The following ISY1 variants were observed in gnomAD, a reference collection of about 807,000 sequenced individuals.
ISY1 encodes pre-mRNA-splicing factor ISY1 homolog.
ISY1 carries 12 observed loss-of-function variants against 54.4 expected under a neutral mutation model. The ratio of observed to expected loss-of-function variants is 0.22; its 90% CI spans 0.14 to 0.36. ISY1 has a LOEUF of 0.36. Among genes scored for constraint, ISY1 ranks in the 10% least tolerant of loss-of-function variants. The probability of loss-of-function intolerance (pLI) is 1.00; values close to 1 mark genes in which losing one functional copy is unlikely to be tolerated. For missense variants in ISY1, 282 were observed against 342.2 expected, an observed-to-expected ratio of 0.82 and a Z score of 1.39; for synonymous variants, 96 against 117.9, an observed-to-expected ratio of 0.81 and a Z score of 1.20.
At chr3:129,149,394 C>T (rs1388258222) in intron 5 of ISY1, among the ~76,000 whole-genome samples, 1 of 127,512 alleles carries the variant, frequency 7.8e-6, no homozygotes, top group Non-Finnish European at 1.6e-5. Flanking sequence ...CGCCACCACA[C>T]TCCAGCCTGG....
chr3:129,144,251 T>G (rs1560018221), intron 6 of ISY1: 1 of 339,584 alleles, frequency 2.9e-6, no homozygotes, highest in Non-Finnish European at 5.9e-6. Context: ...AAAAATAAAA[T>G]AAATGAAAAG....
intron 9 of ISY1, among the ~76,000 whole-genome samples, chr3:129,133,750 C>G (rs955044132): frequency 1.3e-5 from 2 of 152,128 alleles, no homozygotes; most frequent in African/African-American, 4.8e-5. Flanking sequence ...GCCACTGACA[C>G]GTGAACAGAA....
At chr3:129,134,756 T>C (rs759544313) in intron 8 of ISY1, 76 bp downstream of exon 8, 234 of 1,503,356 alleles carry the variant, frequency 1.6e-4, no homozygotes, top group Non-Finnish European at 1.9e-4. Context: ...TAAAGCACTA[T>C]TGAAAATCCT....
chr3:129,149,114 C>T (rs550161265), intron 5 of ISY1, among the ~76,000 whole-genome samples: 1 of 151,986 alleles, frequency 6.6e-6, no homozygotes, highest in Non-Finnish European at 1.5e-5. Flanking sequence ...TAACAAGAGC[C>T]CATCTTTACC....
At chr3:129,142,120 ACTTGAAC>A (rs1205215650) in intron 6 of ISY1, among the ~76,000 whole-genome samples, 1 of 150,402 alleles carries the variant, frequency 6.6e-6, no homozygotes, top group Admixed American at 6.7e-5. Flanking sequence ...CACAAGAATC[ACTTGAAC>A]CTGGGAGGCG....
intron 1 of ISY1, among the ~76,000 whole-genome samples, chr3:129,160,735 A>C (rs1937282847): frequency 6.6e-6 from 1 of 152,188 alleles, no homozygotes; most frequent in Admixed American, 6.5e-5. Context: ...GGTTAACCTA[A>C]AGAGCTTCAT....
At chr3:129,138,337 C>T (rs1159405962) in intron 7 of ISY1, among the ~76,000 whole-genome samples, 2 of 151,206 alleles carry the variant, frequency 1.3e-5, no homozygotes, top group Non-Finnish European at 2.9e-5. Flanking sequence ...CCTGTCTCTA[C>T]TAAAAATACA....
At position 129,158,485 on chromosome 3, in the gene ISY1, T is replaced by C. The variant is rs370080465; in HGVS notation, c.78+23A>G. 44 of 1,613,092 alleles carry C rather than the reference T, an allele frequency of 2.7e-5. No homozygotes were observed. In the African/African-American group the frequency reaches 5.7e-4, roughly 21 times the overall value. On this transcript the variant is annotated intron_variant, in intron 3 of 10. Coordinates refer to ENST00000393295, the MANE Select transcript of ISY1 (RefSeq NM_020701.4). ...GCATTTATTCTTGATACTTTACAAT[T>C]CATGAGGAAGATTTACACCAACCTT...
rs532377212 is a variant in ISY1 at position 129,130,010 on chromosome 3, G to C, written c.*71C>G. The C allele has an allele frequency of 1.6e-6, 2 of 1,229,812 alleles. No homozygotes were observed. Among genetic ancestry groups the C allele is most frequent in the East Asian group, 4.9e-5 (2 of 40,600 alleles). The allele number at this position is 1,229,812 out of a possible 1,614,324, so 76.2% of individuals were successfully genotyped here. ...GCAGGAGCCCTTGCAGCACCAGCCT[G>C]TGTCTGCAGCCCTGGGTCCTGAGGT... On this transcript the variant is annotated 3_prime_UTR_variant, in exon 11 of 11. Coordinates refer to ENST00000393295, the MANE Select transcript of ISY1 (RefSeq NM_020701.4).
chr3:129,133,693 C>G (rs1428997176), intron 9 of ISY1, among the ~76,000 whole-genome samples: 1 of 151,408 alleles, frequency 6.6e-6, no homozygotes, highest in African/African-American at 2.4e-5. Context: ...GATTCCGTTT[C>G]AAAAAAAATA....
intron 7 of ISY1, among the ~76,000 whole-genome samples, chr3:129,137,967 C>G (rs1254892445): frequency 7.4e-6 from 1 of 134,788 alleles, no homozygotes; most frequent in South Asian, 2.4e-4. Context: ...CATAGGGAAA[C>G]CCTGTCTCCA....
chr3:129,154,681 A>G (rs1576891806), intron 5 of ISY1, among the ~76,000 whole-genome samples: 1 of 132,788 alleles, frequency 7.5e-6, no homozygotes, highest in Non-Finnish European at 1.6e-5. Context: ...AAGTTTATCA[A>G]TTTTATTGAT....
chr3:129,132,410 C>A (rs143100294), intron 9 of ISY1, among the ~76,000 whole-genome samples: 3 of 152,290 alleles, frequency 2.0e-5, no homozygotes, highest in Non-Finnish European at 4.4e-5. Context: ...CCCCATCAGC[C>A]TCCACTCACA....
intron 9 of ISY1, 144 bp downstream of exon 9, chr3:129,133,930 G>A (rs892756354): frequency 5.5e-5 from 78 of 1,414,720 alleles, no homozygotes; most frequent in African/African-American, 4.0e-4. Context: ...CTGTAATCTC[G>A]CAAGTGTTTT....
chr3:129,159,040 G>C, intron 2 of ISY1, 114 bp downstream of exon 2: 2 of 1,359,952 alleles, frequency 1.5e-6, no homozygotes, highest in African/African-American at 2.9e-5. Flanking sequence ...CATATGTAAA[G>C]AAAGAAACAG....
chr3:129,131,870 C>T (rs62265336), intron 9 of ISY1, among the ~76,000 whole-genome samples: 11 of 152,150 alleles, frequency 7.2e-5, no homozygotes, highest in Non-Finnish European at 1.3e-4. Flanking sequence ...GGGGACAGTT[C>T]CCAGGCTGGA....
chr3:129,137,625 G>A (rs543720104), intron 7 of ISY1, among the ~76,000 whole-genome samples: 5 of 152,124 alleles, frequency 3.3e-5, no homozygotes, highest in Non-Finnish European at 5.9e-5. Flanking sequence ...GACATCAAGC[G>A]TTTGAGACCG....
intron 5 of ISY1, among the ~76,000 whole-genome samples, chr3:129,154,543 T>C (rs574190089): frequency 1.3e-5 from 2 of 152,018 alleles, no homozygotes; most frequent in Admixed American, 6.6e-5. Context: ...GTCAAATTTA[T>C]GGGCATAACA....
At chr3:129,156,598 A>G in intron 5 of ISY1, 35 bp downstream of exon 5, 1 of 1,602,092 alleles carries the variant, frequency 6.2e-7, no homozygotes, top group Non-Finnish European at 8.5e-7. Flanking sequence ...TGTGGATTTG[A>G]GAATCAAGCA....
Sources: allele counts gnomAD v4.1 joint callset (sites outside exome capture counted in the v4.1 genomes callset), GRCh38; gene constraint gnomAD v4.1.1; transcripts MANE v1.5; gene names NCBI Gene and HGNC (gene_info 2026-07-23, HGNC 2026-07-21).